Variants in BLTP2 observed in about 807,000 individuals in gnomAD.
The protein encoded by BLTP2 is bridge-like lipid transfer protein family member 2, also known as U937-associated antigen.
At chr17:28,615,663 C>T in the BLTP2 span, 1 of 1,613,802 alleles carries the variant, frequency 6.2e-7, no homozygotes, top group Non-Finnish European at 8.5e-7. Context: ...TGGCGGGATA[C>T]CTGGGCAACC....
At chr17:28,633,946 C>T in the BLTP2 span, 2 of 1,614,022 alleles carry the variant, frequency 1.2e-6, no homozygotes, top group Non-Finnish European at 1.7e-6. Flanking sequence ...TCCACTGCCA[C>T]GTTACCCCAC....
At chr17:28,643,376 C>G in the BLTP2 span, 4 of 1,584,046 alleles carry the variant, frequency 2.5e-6, no homozygotes, top group Non-Finnish European at 3.5e-6. Flanking sequence ...ATTCCCCACC[C>G]TCACATTCAC....
the BLTP2 span, chr17:28,616,103 C>G: frequency 6.2e-7 from 1 of 1,613,082 alleles, no homozygotes; most frequent in Non-Finnish European, 8.5e-7. This position sits in a 1 kb window ranked among gnomAD's most constrained non-coding sequence, Gnocchi z 4.8. Flanking sequence ...GACCTTGTAG[C>G]TGACACACAG....
chr17:28,643,281 C>T, the BLTP2 span: 2 of 1,614,184 alleles, frequency 1.2e-6, no homozygotes, highest in East Asian at 4.5e-5. Context: ...TTCTGATACG[C>T]ACTTCTCCAA....
chr17:28,618,143 G>A, the BLTP2 span, among the ~76,000 whole-genome samples: 1 of 151,998 alleles, frequency 6.6e-6, no homozygotes, highest in African/African-American at 2.4e-5. Flanking sequence ...ATGTTAGCCA[G>A]GCTGGTCTTC....
chr17:28,634,729 A>G, the BLTP2 span: 1 of 1,614,018 alleles, frequency 6.2e-7, no homozygotes, highest in African/African-American at 1.3e-5. Flanking sequence ...GTTGCCATAG[A>G]GACGACGGGA....
chr17:28,632,319 G>A, the BLTP2 span: 1 of 1,350,962 alleles, frequency 7.4e-7, no homozygotes, highest in South Asian at 1.4e-5. Context: ...GCTGCAGGTT[G>A]TAGAGGTTTA....
chr17:28,631,813 A>C, the BLTP2 span: 1 of 1,613,406 alleles, frequency 6.2e-7, no homozygotes. Context: ...GGAGTCTTTC[A>C]TTTTACCTTG....
chr17:28,617,185 G>A, the BLTP2 span: 26 of 1,495,956 alleles, frequency 1.7e-5, no homozygotes, highest in South Asian at 3.4e-5. Flanking sequence ...TAAATGCCCC[G>A]TGCTAAAAAC....
chr17:28,623,985 C>A, the BLTP2 span: 4 of 1,609,196 alleles, frequency 2.5e-6, no homozygotes, highest in Non-Finnish European at 2.5e-6. Context: ...GAGATAGAAG[C>A]AGAGTTAAGC....
chr17:28,616,362 AG>A, the BLTP2 span: 1 of 1,614,004 alleles, frequency 6.2e-7, no homozygotes, highest in Non-Finnish European at 8.5e-7. This position sits in a 1 kb window ranked among gnomAD's most constrained non-coding sequence, Gnocchi z 4.8. Flanking sequence ...TTCTATCATC[AG>A]GGGCATGTTT....
At chr17:28,616,595 G>A in the BLTP2 span, 1 of 1,613,866 alleles carries the variant, frequency 6.2e-7, no homozygotes, top group African/African-American at 1.3e-5. The surrounding 1 kb of genome is among the most constrained non-coding windows in gnomAD (Gnocchi z 4.8). Context: ...ATTCTTCTGG[G>A]GCTCCACCAT....
At chr17:28,645,108 C>A in the BLTP2 span, 20 of 1,517,838 alleles carry the variant, frequency 1.3e-5, no homozygotes, top group East Asian at 2.5e-5. Context: ...TGCCGGGCCC[C>A]GACGCCGGAT....
At chr17:28,631,206 G>C in the BLTP2 span, among the ~76,000 whole-genome samples, 1 of 152,160 alleles carries the variant, frequency 6.6e-6, no homozygotes, top group Non-Finnish European at 1.5e-5. Flanking sequence ...TACAATAAGA[G>C]AAACCAGAGC....
the BLTP2 span, chr17:28,642,785 GAACTT>G: frequency 1.3e-6 from 1 of 775,914 alleles, no homozygotes; most frequent in East Asian, 2.4e-5. Context: ...CACAGAATGA[GAACTT>G]AACACCTTGA....
the BLTP2 span, chr17:28,614,959 A>C: frequency 9.4e-6 from 10 of 1,068,428 alleles, no homozygotes; most frequent in African/African-American, 1.6e-5. Flanking sequence ...ATGGGCTCTG[A>C]CACCCACAAA....
chr17:28,620,161 G>T, the BLTP2 span: 1 of 737,152 alleles, frequency 1.4e-6, no homozygotes, highest in Non-Finnish European at 2.2e-6. Context: ...ACAGTAGTAG[G>T]TCAATGCAGA....
chr17:28,625,387 A>G, the BLTP2 span, among the ~76,000 whole-genome samples: 10 of 150,968 alleles, frequency 6.6e-5, no homozygotes, highest in Admixed American at 4.6e-4. Context: ...GAAAAAAGAA[A>G]AAATGGAAAA....
the BLTP2 span, chr17:28,633,574 G>A: frequency 7.4e-6 from 12 of 1,613,860 alleles, no homozygotes; most frequent in South Asian, 1.1e-5. Context: ...GTGCAGGTTC[G>A]CCTGTTCAAT....
Sources: gnomAD v4.1 joint callset for allele counts (sites outside exome capture counted in the v4.1 genomes callset) on GRCh38, gnomAD v4.1.1 for gene constraint, Gnocchi (gnomAD v3.1) non-coding constraint, MANE v1.5 for transcripts, NCBI Gene and HGNC (gene_info 2026-07-23, HGNC 2026-07-21) for gene names.